Variants in MKLN1 observed in about 807,000 individuals in gnomAD.
The protein encoded by MKLN1 is muskelin 1.
MKLN1 carries 18 observed loss-of-function variants against 99.0 expected under a neutral mutation model. The observed-to-expected ratio is 0.18, with a 90% CI of 0.13 to 0.27. The LOEUF is 0.27. Ranked by LOEUF, MKLN1 falls within the 10% of genes least tolerant of loss-of-function variation. The probability of loss-of-function intolerance (pLI) is 1.00; values close to 1 mark genes in which losing one functional copy is unlikely to be tolerated. For missense variants in MKLN1, 621 were observed against 875.9 expected (o/e 0.71, Z 3.67); for synonymous variants, 288 against 293.2 (o/e 0.98, Z 0.18).
At chr7:131,196,980 G>T (rs1323651987) in intron 2 of MKLN1, among the ~76,000 whole-genome samples, 1 of 152,104 alleles carries the variant, frequency 6.6e-6, no homozygotes, top group Non-Finnish European at 1.5e-5. Flanking sequence ...GGAGCTCATT[G>T]TGTGCAGCTC....
At chr7:131,118,600 A>T (rs1363347591) in intron 1 of MKLN1, among the ~76,000 whole-genome samples, 3 of 152,002 alleles carry the variant, frequency 2.0e-5, no homozygotes, top group Non-Finnish European at 4.4e-5. Flanking sequence ...CATACCTGAG[A>T]CTGGCTAATA....
rs570264358 is a variant in MKLN1 at position 131,466,125 on chromosome 7, AAAATC to A, written c.1789-148_1789-144del. The A allele has an allele frequency of 2.4e-4, 124 of 507,556 alleles. No homozygotes were observed. In the South Asian group the frequency reaches 6.9e-3, roughly 28 times the overall value. 31.4% of individuals were successfully genotyped at this position (507,556 alleles called of 1,614,324 possible). ...GCTTTAAAGCAAAATAGAAATGAGA[AAAATC>A]AAGAGAAGCTTTTGGTAAAAATGCA... is the stretch of plus-strand genomic sequence containing the variant. On this transcript the variant is annotated intron_variant, in intron 14 of 17. Coordinates refer to ENST00000352689, the MANE Select transcript of MKLN1 (RefSeq NM_013255.5).
intron 3 of MKLN1, among the ~76,000 whole-genome samples, chr7:131,207,857 G>A (rs1796842475): frequency 6.6e-6 from 1 of 152,166 alleles, no homozygotes; most frequent in Admixed American, 6.6e-5. Flanking sequence ...TCTGGTCAAG[G>A]GAGTAGAGAT....
chr7:131,491,270 C>T lies in MKLN1; in HGVS notation c.*3542C>T, dbSNP rs1036901546. On this transcript the variant is annotated 3_prime_UTR_variant, in exon 18 of 18. Transcript: ENST00000352689. ...CCTTCTTTTCTTAAAATTCCACATT[C>T]ATCCACAATCTCATCCCTTTGTAGA... 1 of 151,852 alleles carries T rather than the reference C, an allele frequency of 6.6e-6. No homozygotes were observed. Among genetic ancestry groups the T allele is most frequent in the African/African-American group, 2.4e-5 (1 of 41,354 alleles). The allele number at this position is 151,852 out of a possible 1,614,324, so 9.4% of individuals were successfully genotyped here.
chr7:131,184,530 CT>C (rs111728654), intron 2 of MKLN1, among the ~76,000 whole-genome samples: 26,491 of 147,850 alleles, frequency 0.18, 2,792 homozygotes, highest in East Asian at 0.41. Flanking sequence ...GGCAGTAATA[CT>C]TTTTTTTTTT....
At chr7:131,483,776 TCA>T (rs1797190647) in intron 17 of MKLN1, among the ~76,000 whole-genome samples, 1 of 152,318 alleles carries the variant, frequency 6.6e-6, no homozygotes, top group East Asian at 1.9e-4. Flanking sequence ...GCAGCAGAGA[TCA>T]CAGAGTTCAG....
At chr7:131,343,918 T>C (rs1364667678) in intron 1 of MKLN1, among the ~76,000 whole-genome samples, 2 of 152,170 alleles carry the variant, frequency 1.3e-5, no homozygotes, top group African/African-American at 4.8e-5. Flanking sequence ...TTTTGATATA[T>C]CCTTGAATTA....
chr7:131,194,010 T>G (rs896128543), intron 2 of MKLN1, among the ~76,000 whole-genome samples: 32 of 139,648 alleles, frequency 2.3e-4, no homozygotes, highest in African/African-American at 6.6e-4. Flanking sequence ...TTTGTTTTTT[T>G]TTTTTTTTTT....
intron 3 of MKLN1, among the ~76,000 whole-genome samples, chr7:131,314,613 G>C (rs529333376): frequency 2.0e-5 from 3 of 151,800 alleles, no homozygotes; most frequent in Admixed American, 6.6e-5. Flanking sequence ...TAGTAGAGAC[G>C]GGGTTTCACC....
chr7:131,411,138 T>G (rs1794861238), intron 6 of MKLN1, among the ~76,000 whole-genome samples, 168 bp from the exon 7 acceptor site: 1 of 152,242 alleles, frequency 6.6e-6, no homozygotes. Flanking sequence ...ATATTTGAGG[T>G]AGCATGAAGT....
Position 131,267,645 on chromosome 7 carries a change from A to T in MKLN1, c.-179+64671A>T, listed in dbSNP as rs534416195. ...ATCTTGGTGTTCTGTTGGGCAGGTC[A>T]GATGAATTTGGAATATTCTGTTTTA... is the stretch of plus-strand genomic sequence containing the variant. On this transcript the variant is annotated intron_variant, in intron 3 of 7. Transcript: ENST00000416992. 8.5e-4 allele frequency among the ~76,000 whole-genome samples: 129 copies of T among 152,326 alleles called. 1 individual carries two copies. Among genetic ancestry groups the T allele is most frequent in the African/African-American group, 2.9e-3 (122 of 41,576 alleles).
At chr7:131,476,424 G>C (rs1796969568) in intron 16 of MKLN1, among the ~76,000 whole-genome samples, 1 of 151,880 alleles carries the variant, frequency 6.6e-6, no homozygotes, top group Non-Finnish European at 1.5e-5. Context: ...CAATATACTA[G>C]GACAAGTGAA....
At chr7:131,388,445 A>G (rs1241770370) in intron 3 of MKLN1, among the ~76,000 whole-genome samples, 1 of 152,238 alleles carries the variant, frequency 6.6e-6, no homozygotes, top group Non-Finnish European at 1.5e-5. Context: ...GAACTATAAA[A>G]GAAACATTGG....
At chr7:131,472,593 T>C (rs1796848122) in intron 16 of MKLN1, among the ~76,000 whole-genome samples, 1 of 41,382 alleles carries the variant, frequency 2.4e-5, no homozygotes, top group African/African-American at 8.8e-5. Flanking sequence ...TTGAAGTGTG[T>C]ATGTGTGTGT....
At chr7:131,227,380 CTTT>C (rs11399331) in intron 3 of MKLN1, among the ~76,000 whole-genome samples, 1 of 149,978 alleles carries the variant, frequency 6.7e-6, no homozygotes, top group African/African-American at 2.4e-5. Flanking sequence ...CTTTTTCTTT[CTTT>C]TTTTTCTTTC....
At chr7:131,373,217 T>A (rs1034152071) in intron 1 of MKLN1, among the ~76,000 whole-genome samples, 1 of 152,064 alleles carries the variant, frequency 6.6e-6, no homozygotes, top group Non-Finnish European at 1.5e-5. Context: ...TTGTAAAATG[T>A]AGTTATTTTT....
intron 8 of MKLN1, among the ~76,000 whole-genome samples, chr7:131,424,266 CT>C (rs1333522802): frequency 6.6e-6 from 1 of 151,718 alleles, no homozygotes; most frequent in Non-Finnish European, 1.5e-5. Context: ...ATTAAGGTAA[CT>C]TCTTTCACCA....
At chr7:131,290,511 A>G (rs1798201569) in intron 3 of MKLN1, among the ~76,000 whole-genome samples, 1 of 152,216 alleles carries the variant, frequency 6.6e-6, no homozygotes, top group South Asian at 2.1e-4. Context: ...TGCATGGAAC[A>G]TAATGGGCAC....
chr7:131,302,226 G>A (rs1208618626), intron 3 of MKLN1, among the ~76,000 whole-genome samples: 1 of 152,146 alleles, frequency 6.6e-6, no homozygotes, highest in Admixed American at 6.5e-5. Flanking sequence ...TCCATTGTGA[G>A]CTCCTCAATA....
Sources: allele counts gnomAD v4.1 joint callset (sites outside exome capture counted in the v4.1 genomes callset), GRCh38; gene constraint gnomAD v4.1.1; transcripts MANE v1.5; gene names NCBI Gene and HGNC (gene_info 2026-07-23, HGNC 2026-07-21).